EPS8L2: variants seen among roughly 807,000 people sequenced by gnomAD.
EPS8L2 encodes the protein epidermal growth factor receptor kinase substrate 8-like protein 2.
A neutral mutation model predicts 99.4 loss-of-function variants in EPS8L2; 81 were observed. The observed-to-expected ratio is 0.82, with a 90% CI of 0.68 to 0.98. EPS8L2 has a LOEUF of 0.98. EPS8L2 is among the 50% of genes least tolerant of loss of function. EPS8L2 has a pLI of 0.00. For synonymous variants in EPS8L2, 509 were observed against 407.3 expected (o/e 1.25, Z -3.01); for missense variants, 1,155 against 968.8 (o/e 1.19, Z -2.55).
rs1395701163 is a variant in EPS8L2 at position 709,383 on chromosome 11, C to T, written c.-25C>T. ...GGGCCACACTGAGGTCTGCCCTTCT[C>T]CCGCTGGCCGCCACCCAAGACACCA... On this transcript the variant is annotated 5_prime_UTR_variant, in exon 2 of 21. Coordinates refer to ENST00000318562, the MANE Select transcript of EPS8L2 (RefSeq NM_022772.4). The T allele has an allele frequency of 1.3e-6, 2 of 1,565,692 alleles. No homozygotes were observed. The highest frequency in any genetic ancestry group is 1.9e-5 in the Admixed American group (1 of 52,828).
At chr11:719,775 C>T (rs1226242212) in intron 4 of EPS8L2, among the ~76,000 whole-genome samples, 6 of 152,166 alleles carry the variant, frequency 3.9e-5, no homozygotes, top group African/African-American at 1.2e-4. Context: ...GTGCAGTGGG[C>T]GGGTACTGAG....
intron 4 of EPS8L2, among the ~76,000 whole-genome samples, chr11:715,168 G>A (rs1017073464): frequency 9.9e-5 from 15 of 152,182 alleles, no homozygotes; most frequent in African/African-American, 1.4e-4. Flanking sequence ...CGTGAACCCC[G>A]GAGGCGGAGC....
rs1862177701 is a variant in EPS8L2, at chr11:721,677, AG to A, written c.882del (p.Lys295ArgfsTer59). ...CGGAAAAAGGGGAAGAAGAAGGGCAAGAAGGCGCCAGCAGGTGCAGGGGACA... is the reference window on the plus strand; with the variant it reads ...CGGAAAAAGGGGAAGAAGAAGGGCAAAAGGCGCCAGCAGGTGCAGGGGACA... ...NQRKKGKKKGKKAPAEGVLTL... is the reference protein window; with the variant it reads ...NQRKKGKKKGXKAPAEGVLTL... On this transcript the variant is annotated frameshift_variant, in exon 10 of 21. Transcript: ENST00000318562. LOFTEE classifies it high-confidence loss of function. 16 of 1,594,210 alleles carry A rather than the reference AG, an allele frequency of 1.0e-5. No homozygotes were observed. Among genetic ancestry groups the A allele is most frequent in the African/African-American group, 2.7e-5 (2 of 73,932 alleles).
rs779807275 is a variant in EPS8L2, at chr11:726,295, C to T, written c.1754-9C>T. 1.2e-6 allele frequency: 2 copies of T among 1,600,114 alleles called. No individual in the cohort carries two copies. On this transcript the variant is annotated splice_polypyrimidine_tract_variant and intron_variant, in intron 18 of 20. Transcript: ENST00000318562. ...GGCAGCGGCGGGCCTGAGTCGCGCG[C>T]CCCCTCAGAGCTCATGCAGCACATG...
At chr11:721,028 C>A (rs1207351738) in intron 7 of EPS8L2, 36 bp from the exon 8 acceptor site, 3 of 1,218,674 alleles carry the variant, frequency 2.5e-6, no homozygotes, top group Admixed American at 5.9e-5. Context: ...CAGGTGCGTT[C>A]CCGGCGGGGC....
chr11:724,622 C>A lies in EPS8L2; in HGVS notation c.1455-102C>A. 1.3e-6 allele frequency: 1 copy of A among 776,242 alleles called. No individual in the cohort carries two copies. Among genetic ancestry groups the A allele is most frequent in the Non-Finnish European group, 2.3e-6 (1 of 444,218 alleles). The allele number at this position is 776,242 out of a possible 1,614,324, so 48.1% of individuals were successfully genotyped here. On this transcript the variant is annotated intron_variant, in intron 15 of 20. Coordinates refer to ENST00000318562, the MANE Select transcript of EPS8L2 (RefSeq NM_022772.4). This position sits in a 1 kb window ranked among gnomAD's most constrained non-coding sequence, Gnocchi z 5.5. Reference sequence around the variant, plus strand: ...GGTGACCTCCAGAACAGAAAAGAGGCAGCCAGTCGTGCACCTGGGAAGCTG... The same window carrying A: ...GGTGACCTCCAGAACAGAAAAGAGGAAGCCAGTCGTGCACCTGGGAAGCTG...
At chr11:722,344 G>A in intron 12 of EPS8L2, 57 bp from the exon 13 acceptor site, 2 of 1,592,328 alleles carry the variant, frequency 1.3e-6, no homozygotes, top group South Asian at 2.2e-5. Context: ...GGAGCTACGG[G>A]GGTGCTGGGC....
In EPS8L2 at chr11:726,374, A is replaced by G. The variant is rs1443328640; in HGVS notation, c.1824A>G (p.Pro608=). ...IRKISNIRAQ[P]QRHFRVERSQ... ...AAATCAGCAACATCAGGGCGCAGCC[A>G]CAGAGGCACTTCCGCGTGGAGCGCA... Residue 608 remains proline (P), a synonymous_variant, in exon 19 of 21, where the codon CCA becomes CCG. Transcript: ENST00000318562. 3 of 1,610,750 alleles carry G rather than the reference A, an allele frequency of 1.9e-6. No individual in the cohort carries two copies. Among genetic ancestry groups the G allele is most frequent in the Non-Finnish European group, 2.5e-6 (3 of 1,179,184 alleles).
At chr11:713,228 T>A (rs1861934925) in intron 4 of EPS8L2, among the ~76,000 whole-genome samples, 1 of 152,222 alleles carries the variant, frequency 6.6e-6, no homozygotes, top group Non-Finnish European at 1.5e-5. Flanking sequence ...TTTTCTAAGT[T>A]ATCACACAGT....
At position 720,048 on chromosome 11, in the gene EPS8L2, C is replaced by G; in HGVS notation, c.166-14C>G. ...GAGGGCTCTGCCCAGCAGTGACCAC[C>G]TGCCCACCCCCAGCACCTGGCCACA... On this transcript the variant is annotated splice_polypyrimidine_tract_variant and intron_variant, in intron 4 of 20. Coordinates refer to ENST00000318562, the MANE Select transcript of EPS8L2 (RefSeq NM_022772.4). 6.2e-7 allele frequency: 1 copy of G among 1,607,556 alleles called. No individual in the cohort carries two copies. Among genetic ancestry groups the G allele is most frequent in the Non-Finnish European group, 8.5e-7 (1 of 1,177,126 alleles).
At chr11:720,801 TCCTGG>T in intron 6 of EPS8L2, 24 bp from the exon 7 acceptor site, 1 of 1,542,124 alleles carries the variant, frequency 6.5e-7, no homozygotes, top group Non-Finnish European at 8.7e-7. Context: ...CGCCCCGCCC[TCCTGG>T]CCGCCTGACG....
At chr11:722,857 C>T in intron 14 of EPS8L2, 52 bp downstream of exon 14, 1 of 1,282,218 alleles carries the variant, frequency 7.8e-7, no homozygotes, top group Non-Finnish European at 1.1e-6. Context: ...ACCCACTCCT[C>T]ACCAGAGCTC....
At chr11:706,627 C>T (rs1861726541) in intron 1 of EPS8L2, 2 of 152,826 alleles carry the variant, frequency 1.3e-5, no homozygotes, top group Non-Finnish European at 2.9e-5. Flanking sequence ...ATCCCTGCGT[C>T]CGGAGAGCGC....
rs754634551 is a variant in EPS8L2 at position 722,141 on chromosome 11, C to G, written c.1035C>G (p.His345Gln). 3.7e-5 allele frequency: 59 copies of G among 1,612,766 alleles called. No individual in the cohort carries two copies. The highest frequency in any genetic ancestry group is 4.9e-5 in the Non-Finnish European group (58 of 1,179,866). The change falls in exon 12 of 21, where the codon CAC (histidine) becomes CAG (glutamine). Residue 345 changes from histidine to glutamine, a missense_variant. Transcript: ENST00000318562. Reference protein sequence around the residue: ...IQNPSAAELVHFLFGPLDLIV... With the variant: ...IQNPSAAELVQFLFGPLDLIV... ...ACCCCAGCGCCGCGGAGCTCGTGCA[C>G]TTCCTCTTCGGGCCTCTGGACCTGG...
intron 3 of EPS8L2, 143 bp from the exon 4 acceptor site, chr11:710,279 C>T: frequency 1.3e-6 from 1 of 749,460 alleles, no homozygotes; most frequent in South Asian, 1.6e-5. Context: ...TGATTTCACA[C>T]CCACATCCTT....
chr11:721,462 G>A, intron 9 of EPS8L2, 103 bp from the exon 10 acceptor site: 2 of 1,492,400 alleles, frequency 1.3e-6, no homozygotes, highest in Non-Finnish European at 1.8e-6. Flanking sequence ...CCCCTCCGAA[G>A]GTGTGGGGCC....
intron 1 of EPS8L2, among the ~76,000 whole-genome samples, chr11:708,050 C>A (rs1564967827): frequency 6.6e-6 from 1 of 152,224 alleles, no homozygotes; most frequent in Non-Finnish European, 1.5e-5. Flanking sequence ...GACCCTCCCA[C>A]TAGGCCAGAC....
Position 722,548 on chromosome 11 carries a change from C to G in EPS8L2, c.1207C>G (p.Arg403Gly), listed in dbSNP as rs200418050. The change falls in exon 13 of 21, where the codon CGT becomes GGT. Residue 403 changes from arginine (R) to glycine (G), a missense_variant and splice_region_variant. Physicochemically the swap from Arg to Gly is moderately radical, Grantham distance 125. Transcript: ENST00000318562. ...ACTGGGAGAGAGCTGGATGCGGCCC[C>G]GGTAGGGCAGGGCAGAGCAGTGCCG... ...ESLGESWMRP[R>G]SEWPREPQVP... The G allele has an allele frequency of 6.2e-5, 100 of 1,612,608 alleles. 1 individual carries two copies. The highest frequency in any genetic ancestry group is 7.8e-5 in the Non-Finnish European group (92 of 1,179,836).
chr11:725,413 A>G (rs1486808361), intron 16 of EPS8L2, among the ~76,000 whole-genome samples: 1 of 152,146 alleles, frequency 6.6e-6, no homozygotes, highest in Admixed American at 6.5e-5. Flanking sequence ...CTGGAGGCTG[A>G]GGTGGGGGGA....
Sources: allele counts gnomAD v4.1 joint callset (sites outside exome capture counted in the v4.1 genomes callset), GRCh38; gene constraint gnomAD v4.1.1; non-coding constraint Gnocchi (gnomAD v3.1); transcripts MANE v1.5; gene names NCBI Gene and HGNC (gene_info 2026-07-23, HGNC 2026-07-21).